ARMH1: variants seen among roughly 807,000 people sequenced by gnomAD.
The protein encoded by ARMH1 is armadillo like helical domain containing 1.
In ARMH1, 34 loss-of-function variants were observed where a neutral mutation model predicts 50.2. The observed-to-expected ratio is 0.68, with a 90% confidence interval of 0.51 to 0.90. The LOEUF (loss-of-function observed/expected upper bound fraction) is 0.90. ARMH1 is among the 40% of genes least tolerant of loss of function. The probability of loss-of-function intolerance (pLI) is 0.00; values close to 1 mark genes in which losing one functional copy is unlikely to be tolerated. For missense variants in ARMH1, 538 were observed against 553.9 expected (o/e 0.97, Z 0.29); for synonymous variants, 221 against 224.2 (o/e 0.99, Z 0.13).
chr1:44,703,583 G>T (rs769425493), intron 5 of ARMH1, among the ~76,000 whole-genome samples: 6 of 117,158 alleles, frequency 5.1e-5, no homozygotes, highest in Non-Finnish European at 9.3e-5. Flanking sequence ...AAAAAAATTA[G>T]CTGGGCATGG....
intron 4 of ARMH1, among the ~76,000 whole-genome samples, chr1:44,699,903 C>T (rs1270308189): frequency 1.3e-5 from 2 of 150,860 alleles, no homozygotes; most frequent in East Asian, 3.9e-4. Context: ...GGTCTCAGCT[C>T]ACTACAACCT....
At chr1:44,704,366 C>T (rs1646241001) in intron 6 of ARMH1, among the ~76,000 whole-genome samples, 193 bp downstream of exon 6, 3 of 152,158 alleles carry the variant, frequency 2.0e-5, no homozygotes, top group South Asian at 4.1e-4. Flanking sequence ...GGTGCCTGAA[C>T]GGTTACGAGA....
chr1:44,686,204 G>C (rs1364708144), intron 1 of ARMH1, among the ~76,000 whole-genome samples: 3 of 152,172 alleles, frequency 2.0e-5, no homozygotes, highest in Non-Finnish European at 4.4e-5. Flanking sequence ...ATCAGTTACA[G>C]ATTGAACATT....
Position 44,714,867 on chromosome 1 carries a change from T to C in ARMH1, c.725-9255T>C, listed in dbSNP as rs78228572. ...ATCTCACGATGTTGCCCAACCTGATTTGACTGTCCCCGGCCTTTTTTCTTT... is the reference window on the plus strand; with the variant it reads ...ATCTCACGATGTTGCCCAACCTGATCTGACTGTCCCCGGCCTTTTTTCTTT... On this transcript the variant is annotated intron_variant, in intron 6 of 11. Transcript: ENST00000535358. Among the ~76,000 whole-genome samples the C allele has an allele frequency of 8.0e-3, 1,212 of 152,132 alleles. 21 individuals are homozygous for C. The highest frequency in any genetic ancestry group is 0.027 in the African/African-American group (1,112 of 41,492).
At chr1:44,707,575 A>G (rs1179626588) in intron 6 of ARMH1, among the ~76,000 whole-genome samples, 1 of 152,134 alleles carries the variant, frequency 6.6e-6, no homozygotes, top group Non-Finnish European at 1.5e-5. Flanking sequence ...GACTACAGGC[A>G]CAGCTCACCA....
intron 2 of ARMH1, among the ~76,000 whole-genome samples, chr1:44,693,256 C>T (rs557018942): frequency 1.6e-4 from 25 of 152,310 alleles, no homozygotes; most frequent in African/African-American, 5.8e-4. Context: ...GTCCCCACAA[C>T]TCATGACACT....
rs1647911168 is a variant in ARMH1, at chr1:44,724,407, G to A, written c.920+15G>A. On this transcript the variant is annotated intron_variant, in intron 8 of 11. Transcript: ENST00000535358. The surrounding 1 kb of genome is among the most constrained non-coding windows in gnomAD (Gnocchi z 6.4). The stretch of plus-strand genomic sequence containing the variant: ...AAGGCCATCGGGTAAGCGGGCAGGG[G>A]TTAGTGGGTAGCTGCAGCAAGCCTG... 2 of 1,547,668 alleles carry A rather than the reference G, an allele frequency of 1.3e-6. No individual in the cohort carries two copies. The highest frequency in any genetic ancestry group is 2.4e-5 in the East Asian group (1 of 40,900).
At chr1:44,718,285 GC>G (rs2148757217) in intron 6 of ARMH1, among the ~76,000 whole-genome samples, 1 of 152,330 alleles carries the variant, frequency 6.6e-6, no homozygotes, top group East Asian at 1.9e-4. Context: ...CCTGGGAAGA[GC>G]CCAGCTACTA....
chr1:44,689,590 C>A (rs1473400301), intron 1 of ARMH1, 86 bp from the exon 2 acceptor site: 6 of 1,051,568 alleles, frequency 5.7e-6, no homozygotes, highest in East Asian at 2.6e-5. Context: ...AAGCCACACC[C>A]TGCCTGCAGT....
rs907043812 is a variant in ARMH1 at position 44,724,964 on chromosome 1, G to A, written c.1128+125G>A. On this transcript the variant is annotated intron_variant, in intron 10 of 11. Transcript: ENST00000535358. This position sits in a 1 kb window ranked among gnomAD's most constrained non-coding sequence, Gnocchi z 6.4. ...GAGTGGACCTGGCCACCAGCTGCAGGAGGGACTGCTCTGGCGTAGGCTCCT... is the reference window on the plus strand; with the variant it reads ...GAGTGGACCTGGCCACCAGCTGCAGAAGGGACTGCTCTGGCGTAGGCTCCT... 3 of 1,498,744 alleles carry A rather than the reference G, an allele frequency of 2.0e-6. No homozygotes were observed. The highest frequency in any genetic ancestry group is 2.3e-4 in the Middle Eastern group (1 of 4,438). The allele number at this position is 1,498,744 out of a possible 1,614,324, so 92.8% of individuals were successfully genotyped here.
At chr1:44,723,055 A>G (rs998888847) in intron 6 of ARMH1, among the ~76,000 whole-genome samples, 3 of 150,580 alleles carry the variant, frequency 2.0e-5, no homozygotes, top group African/African-American at 7.4e-5. Context: ...AGCCTGGGCG[A>G]CAGAGTGAGG....
In ARMH1 at chr1:44,689,995, A is replaced by G. The variant is rs1645606034; in HGVS notation, c.206+92A>G. 7 of 1,113,492 alleles carry G rather than the reference A, an allele frequency of 6.3e-6. No individual in the cohort carries two copies. The South Asian group carries it at 1.0e-4, about 16-fold the overall frequency. 69.0% of individuals were successfully genotyped at this position (1,113,492 alleles called of 1,614,324 possible). On this transcript the variant is annotated intron_variant, in intron 2 of 11. Coordinates refer to ENST00000535358, the MANE Select transcript of ARMH1 (RefSeq NM_001145636.2). ...AGCACTTTGGGAGGCCAAGGTGGGCAGATCACAAGGTCAGGAGTTCGAGAC... is the reference window on the plus strand; with the variant it reads ...AGCACTTTGGGAGGCCAAGGTGGGCGGATCACAAGGTCAGGAGTTCGAGAC...
chr1:44,703,013 A>G (rs1646161155), intron 5 of ARMH1, among the ~76,000 whole-genome samples: 1 of 152,216 alleles, frequency 6.6e-6, no homozygotes, highest in South Asian at 2.1e-4. Flanking sequence ...AAGGGAAAAA[A>G]GAGCAATAGC....
Position 44,724,555 on chromosome 1 carries a change from G to T in ARMH1, c.937G>T (p.Asp313Tyr). The T allele has an allele frequency of 3.3e-6, 5 of 1,512,770 alleles. No individual in the cohort carries two copies. Among genetic ancestry groups the T allele is most frequent in the Non-Finnish European group, 3.5e-6 (4 of 1,133,284 alleles). The allele number at this position is 1,512,770 out of a possible 1,614,324, so 93.7% of individuals were successfully genotyped here. The change falls in exon 9 of 12, where the codon GAC becomes TAC. Residue 313 changes from aspartate to tyrosine, a missense_variant. Physicochemically the swap from Asp to Tyr is radical, Grantham distance 160 (BLOSUM62 -3). Transcript: ENST00000535358. This position sits in a 1 kb window ranked among gnomAD's most constrained non-coding sequence, Gnocchi z 6.4. ...AKAIGVLARN[D>Y]MSIAEELLYL... Reference sequence around the variant, plus strand: ...CCGGCCCAGGGTCCTGGCGCGCAACGACATGAGCATCGCCGAGGAGCTGCT... The same window carrying T: ...CCGGCCCAGGGTCCTGGCGCGCAACTACATGAGCATCGCCGAGGAGCTGCT...
chr1:44,705,858 C>T (rs1363041545), intron 6 of ARMH1, among the ~76,000 whole-genome samples: 6 of 151,314 alleles, frequency 4.0e-5, no homozygotes, highest in Non-Finnish European at 5.9e-5. Context: ...TGAACTGAGC[C>T]GTGGAGAATA....
At chr1:44,709,420 C>A (rs1251130792) in intron 6 of ARMH1, among the ~76,000 whole-genome samples, 1 of 152,188 alleles carries the variant, frequency 6.6e-6, no homozygotes, top group Admixed American at 6.5e-5. Flanking sequence ...CGCCTTTAAT[C>A]CCAGCACTTT....
chr1:44,687,827 TA>T (rs1645524557), intron 1 of ARMH1, among the ~76,000 whole-genome samples: 2 of 152,170 alleles, frequency 1.3e-5, no homozygotes, highest in South Asian at 2.1e-4. Flanking sequence ...TCAAAGAAGA[TA>T]GGGGAGACTG....
At position 44,674,854 on chromosome 1, in the gene ARMH1, C is replaced by T. The variant is rs573587959; in HGVS notation, c.-42C>T. 8.4e-4 allele frequency: 131 copies of T among 156,608 alleles called. 1 individual carries two copies. Among genetic ancestry groups the T allele is most frequent in the African/African-American group, 3.0e-3 (124 of 41,686 alleles). The allele number at this position is 156,608 out of a possible 1,614,324, so 9.7% of individuals were successfully genotyped here. A position where few individuals can be genotyped will look rare whatever the true frequency, so the allele number is the denominator to read the frequency against. On this transcript the variant is annotated 5_prime_UTR_variant, in exon 1 of 12. Coordinates refer to ENST00000535358, the MANE Select transcript of ARMH1 (RefSeq NM_001145636.2). ...CCTACCTCTGCCATCCTCTACCAGC[C>T]GCAACTGCGAGGGCTGGAGGTATAA... is the stretch of plus-strand genomic sequence containing the variant.
Position 44,724,418 on chromosome 1 carries a change from G to A in ARMH1, c.920+26G>A. On this transcript the variant is annotated intron_variant, in intron 8 of 11. Coordinates refer to ENST00000535358, the MANE Select transcript of ARMH1 (RefSeq NM_001145636.2). This position sits in a 1 kb window ranked among gnomAD's most constrained non-coding sequence, Gnocchi z 6.4. ...GTAAGCGGGCAGGGGTTAGTGGGTA[G>A]CTGCAGCAAGCCTGGCTTGGCGCTG... 3 of 1,545,640 alleles carry A rather than the reference G, an allele frequency of 1.9e-6. No homozygotes were observed. Among genetic ancestry groups the A allele is most frequent in the South Asian group, 1.2e-5 (1 of 83,790 alleles).
Sources: gnomAD v4.1 joint callset for allele counts (sites outside exome capture counted in the v4.1 genomes callset) on GRCh38, gnomAD v4.1.1 for gene constraint, Gnocchi (gnomAD v3.1) non-coding constraint, MANE v1.5 for transcripts, NCBI Gene and HGNC (gene_info 2026-07-23, HGNC 2026-07-21) for gene names.